Variants in DBR1 observed in about 807,000 individuals in gnomAD.
DBR1 encodes debranching RNA lariats 1.
A neutral mutation model predicts 45.9 loss-of-function variants in DBR1; 33 were observed. The ratio of observed to expected loss-of-function variants is 0.72; its 90% CI spans 0.55 to 0.96. DBR1 has a LOEUF of 0.96. Among genes scored for constraint, DBR1 ranks in the 40% least tolerant of loss-of-function variants. The pLI is 0.00. For synonymous variants in DBR1, 235 were observed against 235.9 expected (o/e 1.00, Z 0.04); for missense variants, 619 against 667.4 (o/e 0.93, Z 0.80).
chr3:138,163,483 T>C lies in DBR1; in HGVS notation c.807A>G (p.Ile269Met). The change falls in exon 7 of 8, where the codon ATA (isoleucine) becomes ATG (methionine). Residue 269 changes from isoleucine to methionine, a missense_variant. Coordinates refer to ENST00000260803, the MANE Select transcript of DBR1 (RefSeq NM_016216.4). ...PHRDFLQILE[I>M]EHDPSAPDYL... ...AATCAGGAGCACTGGGGTCATGTTC[T>C]ATCTCTAATATCTACAGGATGAAAT... is the stretch of plus-strand genomic sequence containing the variant. The C allele has an allele frequency of 1.3e-6, 2 of 1,592,726 alleles. No individual in the cohort carries two copies. Among genetic ancestry groups the C allele is most frequent in the Non-Finnish European group, 1.7e-6 (2 of 1,163,418 alleles).
intron 1 of DBR1, 22 bp from the exon 2 acceptor site, chr3:138,173,648 AG>A: frequency 6.2e-7 from 1 of 1,601,346 alleles, no homozygotes; most frequent in Non-Finnish European, 8.5e-7. Flanking sequence ...GAGCAAAGTC[AG>A]TTACCACAAT....
In DBR1 at chr3:138,174,642, T is replaced by A; in HGVS notation, c.154A>T (p.Met52Leu). 1.3e-6 allele frequency: 2 copies of A among 1,584,906 alleles called. No homozygotes were observed. The highest frequency in any genetic ancestry group is 1.7e-6 in the Non-Finnish European group (2 of 1,160,962). ...AVRNEADLRC[M>L]AVPPKYRHMQ... ...TGACGATACTTGGGCGGCACGGCCA[T>A]GCAGCGTAGATCCGCCTCGTTGCGC... Residue 52 changes from methionine (M) to leucine (L), a missense_variant, in exon 1 of 8, where the codon ATG becomes TTG. Met to Leu is a conservative substitution (Grantham distance 15). This residue lies in a region of DBR1 where 430 missense variants were observed against 447.7 expected (regional missense o/e 0.96). Coordinates refer to ENST00000260803, the MANE Select transcript of DBR1 (RefSeq NM_016216.4).
chr3:138,163,382 C>T lies in DBR1; in HGVS notation c.908G>A (p.Trp303Ter). ...CAGGCCATTATTTTCTGGCATATTCCACAGGCGCCCAGTCACATTAATAAG... is the reference window on the plus strand; with the variant it reads ...CAGGCCATTATTTTCTGGCATATTCTACAGGCGCCCAGTCACATTAATAAG... Reference protein sequence around the residue: ...DDLINVTGRLWNMPENNGLHA... With the variant: ...DDLINVTGRL The change falls in exon 7 of 8, where the codon TGG (tryptophan) becomes TAG (stop). Residue 303 changes from tryptophan (W) to a stop codon, truncating the protein, a stop_gained. Coordinates refer to ENST00000260803, the MANE Select transcript of DBR1 (RefSeq NM_016216.4). LOFTEE classifies it high-confidence loss of function. 6.2e-7 allele frequency: 1 copy of T among 1,613,798 alleles called. No individual in the cohort carries two copies. Among genetic ancestry groups the T allele is most frequent in the South Asian group, 1.1e-5 (1 of 91,034 alleles).
At position 138,162,519 on chromosome 3, in the gene DBR1, G is replaced by A. The variant is rs1413430930; in HGVS notation, c.1005C>T (p.Leu335=). Residue 335 remains leucine (L), a synonymous_variant, in exon 8 of 8, where the codon CTC becomes CTT. Transcript: ENST00000260803. ...KEVLEKLNHD[L]KVPCNFSVTA... The stretch of plus-strand genomic sequence containing the variant: ...TTACACTAAAGTTACATGGAACCTT[G>A]AGATCATGATTCAATTTTTCCAATA... The A allele has an allele frequency of 6.2e-7, 1 of 1,613,740 alleles. No homozygotes were observed. Among genetic ancestry groups the A allele is most frequent in the South Asian group, 1.1e-5 (1 of 91,078 alleles).
chr3:138,167,187 T>C lies in DBR1; in HGVS notation c.608A>G (p.Asn203Ser). 13 of 1,614,162 alleles carry C rather than the reference T, an allele frequency of 8.1e-6. No individual in the cohort carries two copies. Among genetic ancestry groups the C allele is most frequent in the Non-Finnish European group, 1.1e-5 (13 of 1,180,002 alleles). ...KSFFRQEVENNTLGSPAASEL... is the reference protein window; with the variant it reads ...KSFFRQEVENSTLGSPAASEL... ...TGAGGCAGCTGGACTTCCTAATGTG[T>C]TATTTTCCACTTCTTGTCGGAAAAA... The change falls in exon 5 of 8, where the codon AAC becomes AGC. Residue 203 changes from asparagine (N) to serine (S), a missense_variant. By Grantham distance (46) the Asn-to-Ser change is conservative (BLOSUM62 1). Coordinates refer to ENST00000260803, the MANE Select transcript of DBR1 (RefSeq NM_016216.4).
At chr3:138,164,453 G>A (rs1416108552) in intron 5 of DBR1, among the ~76,000 whole-genome samples, 1 of 152,172 alleles carries the variant, frequency 6.6e-6, no homozygotes, top group Non-Finnish European at 1.5e-5. Context: ...TTCAGGAAAG[G>A]CAAATCTATA....
chr3:138,164,529 G>A (rs185745379), intron 5 of DBR1, among the ~76,000 whole-genome samples: 57 of 152,334 alleles, frequency 3.7e-4, no homozygotes, highest in Middle Eastern at 3.4e-3. Context: ...CTTCAAGCAG[G>A]CACAAAGGAT....
Position 138,168,227 on chromosome 3 carries a change from T to C in DBR1, c.490-922A>G, listed in dbSNP as rs2042939066. 2.0e-5 allele frequency among the ~76,000 whole-genome samples: 3 copies of C among 152,112 alleles called. No homozygotes were observed. In the South Asian group the frequency reaches 6.2e-4, roughly 32 times the overall value. ...ACTTGAAAAATGAAATTAAAACAAC[T>C]TAAATACCGGCTGGGCACAGTGGCT... On this transcript the variant is annotated intron_variant, in intron 4 of 7. Transcript: ENST00000260803.
chr3:138,163,956 AC>A, intron 5 of DBR1, 98 bp from the exon 6 acceptor site: 1 of 760,904 alleles, frequency 1.3e-6, no homozygotes, highest in Non-Finnish European at 2.1e-6. Context: ...TATCACACAT[AC>A]CCCTAAGTTG....
intron 4 of DBR1, among the ~76,000 whole-genome samples, chr3:138,167,859 A>G (rs1380957358): frequency 6.6e-6 from 1 of 152,168 alleles, no homozygotes; most frequent in East Asian, 1.9e-4. Context: ...AGGCAGGAGA[A>G]TCGCTTGAAC....
intron 5 of DBR1, 98 bp downstream of exon 5, chr3:138,166,983 G>T: frequency 9.3e-7 from 1 of 1,080,886 alleles, no homozygotes; most frequent in Non-Finnish European, 1.4e-6. Flanking sequence ...CAAGAGGTAA[G>T]TTATCTTTTA....
intron 2 of DBR1, among the ~76,000 whole-genome samples, chr3:138,172,811 G>C (rs1452198370): frequency 6.6e-6 from 1 of 152,130 alleles, no homozygotes; most frequent in Non-Finnish European, 1.5e-5. Flanking sequence ...GACTATTTTA[G>C]TCTAATAGAC....
At position 138,162,007 on chromosome 3, in the gene DBR1, G is replaced by C; in HGVS notation, c.1517C>G (p.Thr506Ser). ...TVESGNGEDL[T>S]KVPLKRLSDE... is the part of the protein sequence containing the mutation. ...ACTCAGCCTCTTCAATGGCACCTTG[G>C]TTAAGTCCTCTCCATTCCCTGACTC... is the stretch of plus-strand genomic sequence containing the variant. Residue 506 changes from threonine to serine, a missense_variant, in exon 8 of 8, where the codon ACC becomes AGC. By Grantham distance (58) the Thr-to-Ser change is moderately conservative. Around this residue, in one of 3 missense-constraint regions of DBR1, gnomAD observed 182 missense variants for 196.1 expected, o/e 0.93. Coordinates refer to ENST00000260803, the MANE Select transcript of DBR1 (RefSeq NM_016216.4). 1 of 1,614,036 alleles carries C rather than the reference G, an allele frequency of 6.2e-7. No individual in the cohort carries two copies. The highest frequency in any genetic ancestry group is 8.5e-7 in the Non-Finnish European group (1 of 1,180,018).
In DBR1 at chr3:138,173,487, A is replaced by G; in HGVS notation, c.322+15T>C. ...ATCCCAGGAAAAAAAAGTATCCACA[A>G]ACACAATCACATACCTAAATAATAA... On this transcript the variant is annotated intron_variant, in intron 2 of 7. Transcript: ENST00000260803. 1 of 1,612,954 alleles carries G rather than the reference A, an allele frequency of 6.2e-7. No individual in the cohort carries two copies.
chr3:138,166,530 C>A (rs1259777364), intron 5 of DBR1, among the ~76,000 whole-genome samples: 7 of 152,172 alleles, frequency 4.6e-5, no homozygotes, highest in Admixed American at 1.3e-4. Context: ...AATCCATACA[C>A]AACAATGCTG....
At chr3:138,174,520 A>T in intron 1 of DBR1, 79 bp downstream of exon 1, 1 of 1,410,026 alleles carries the variant, frequency 7.1e-7, no homozygotes, top group East Asian at 2.5e-5. Flanking sequence ...ACAGGATCTA[A>T]GGGAAACAGG....
At position 138,163,360 on chromosome 3, in the gene DBR1, G is replaced by C. The variant is rs375642919; in HGVS notation, c.930C>G (p.Gly310=). Reference sequence around the variant, plus strand: ...AAAGTCTGACTTACCTTGCATGCAGGCCATTATTTTCTGGCATATTCCACA... The same window carrying C: ...AAAGTCTGACTTACCTTGCATGCAGCCCATTATTTTCTGGCATATTCCACA... ...GRLWNMPENN[G]LHARWDYSAT... The change falls in exon 7 of 8, where the codon GGC becomes GGG. Residue 310 remains glycine, a synonymous_variant. Coordinates refer to ENST00000260803, the MANE Select transcript of DBR1 (RefSeq NM_016216.4). 4 of 1,613,390 alleles carry C rather than the reference G, an allele frequency of 2.5e-6. No homozygotes were observed. The highest frequency in any genetic ancestry group is 1.3e-5 in the African/African-American group (1 of 74,984).
intron 4 of DBR1, among the ~76,000 whole-genome samples, chr3:138,169,074 T>G (rs767792882): frequency 1.3e-5 from 2 of 152,204 alleles, no homozygotes; most frequent in East Asian, 3.8e-4. Flanking sequence ...GGGAACTGTA[T>G]GCACAGGGCA....
chr3:138,173,537 T>G lies in DBR1; in HGVS notation c.287A>C (p.Tyr96Ser). 6.2e-7 allele frequency: 1 copy of G among 1,614,056 alleles called. No individual in the cohort carries two copies. Among genetic ancestry groups the G allele is most frequent in the South Asian group, 1.1e-5 (1 of 91,074 alleles). Residue 96 changes from tyrosine (Y) to serine (S), a missense_variant, in exon 2 of 8, where the codon TAT (tyrosine) becomes TCT (serine). By Grantham distance (144) the Tyr-to-Ser change is moderately radical (BLOSUM62 -2). Coordinates refer to ENST00000260803, the MANE Select transcript of DBR1 (RefSeq NM_016216.4). ...AATGTTTGGTGCCACCCAGCCACCA[T>G]AGGGTAACTCTTGCAAATGATTTGA... is the stretch of plus-strand genomic sequence containing the variant. ...EASNHLQELPYGGWVAPNIYY... is the reference protein window; with the variant it reads ...EASNHLQELPSGGWVAPNIYY...
Sources: gnomAD v4.1 joint callset for allele counts (sites outside exome capture counted in the v4.1 genomes callset) on GRCh38, gnomAD v4.1.1 for gene constraint, gnomAD v4.1.1 regional missense constraint, MANE v1.5 for transcripts, NCBI Gene and HGNC (gene_info 2026-07-23, HGNC 2026-07-21) for gene names.